Variants in MARCHF1 observed in about 807,000 individuals in gnomAD.
The protein encoded by MARCHF1 is membrane associated ring-CH-type finger 1, also known as E3 ubiquitin-protein ligase MARCHF1.
In MARCHF1, 40 loss-of-function variants were observed where a neutral mutation model predicts 54.2. The ratio of observed to expected loss-of-function variants is 0.74; its 90% CI spans 0.57 to 0.96. The LOEUF (loss-of-function observed/expected upper bound fraction) is 0.96. Ranked by LOEUF, MARCHF1 falls within the 40% of genes least tolerant of loss-of-function variation. The probability of loss-of-function intolerance (pLI) is 0.00; values close to 1 mark genes in which losing one functional copy is unlikely to be tolerated. For synonymous variants in MARCHF1, 236 were observed against 236.3 expected (o/e 1.00, Z 0.01); for missense variants, 586 against 656.5 (o/e 0.89, Z 1.17).
At chr4:163,688,021 T>C (rs766535362) in intron 5 of MARCHF1, among the ~76,000 whole-genome samples, 3 of 152,190 alleles carry the variant, frequency 2.0e-5, no homozygotes, top group Non-Finnish European at 2.9e-5. Flanking sequence ...TTATTTGGCC[T>C]AGTCAATCCA....
intron 3 of MARCHF1, among the ~76,000 whole-genome samples, chr4:163,855,129 T>C (rs951179151): frequency 6.6e-6 from 1 of 152,124 alleles, no homozygotes; most frequent in Non-Finnish European, 1.5e-5. Flanking sequence ...ATAAGAACGG[T>C]TGCACTAACA....
At chr4:164,240,616 GAA>G (rs1732712656) in intron 1 of MARCHF1, among the ~76,000 whole-genome samples, 10 of 152,000 alleles carry the variant, frequency 6.6e-5, no homozygotes, top group Non-Finnish European at 1.5e-5. Context: ...CCCACCAACT[GAA>G]ACTGCCTTTG....
chr4:163,841,615 G>A (rs1306999008), intron 4 of MARCHF1, among the ~76,000 whole-genome samples: 1 of 151,986 alleles, frequency 6.6e-6, no homozygotes, highest in Non-Finnish European at 1.5e-5. Flanking sequence ...AATAACATCA[G>A]CAATTTTATG....
chr4:163,963,846 T>C (rs4056339), intron 3 of MARCHF1, among the ~76,000 whole-genome samples: 83,032 of 151,594 alleles, frequency 0.55, 23,791 homozygotes, highest in Middle Eastern at 0.68. Flanking sequence ...AGAAAGTGAG[T>C]GAAGAAACAG....
chr4:163,531,717 G>GCGA (rs1188386881), intron 9 of MARCHF1, among the ~76,000 whole-genome samples: 1 of 151,500 alleles, frequency 6.6e-6, no homozygotes, highest in Non-Finnish European at 1.5e-5. Context: ...TTTTAAATAG[G>GCGA]TGATTATGAC....
intron 2 of MARCHF1, among the ~76,000 whole-genome samples, chr4:164,110,855 A>G (rs1326949864): frequency 6.6e-6 from 1 of 151,822 alleles, no homozygotes; most frequent in Non-Finnish European, 1.5e-5. Flanking sequence ...AAGGAGGGGA[A>G]AATCCATTTG....
chr4:164,197,804 A>G (rs758284198), intron 1 of MARCHF1: 1 of 1,585,596 alleles, frequency 6.3e-7, no homozygotes, highest in Non-Finnish European at 8.6e-7. Context: ...GACTTTGAAG[A>G]CTCAACCAGC....
intron 7 of MARCHF1, among the ~76,000 whole-genome samples, chr4:163,595,352 T>TAA (rs199578063): frequency 3.5e-5 from 4 of 115,042 alleles, no homozygotes; most frequent in South Asian, 2.6e-4. Context: ...TCACTAAAAA[T>TAA]AAAATAAAAA....
chr4:164,258,420 A>AATAATAATAATAAT (rs1733357544), intron 1 of MARCHF1, among the ~76,000 whole-genome samples: 2 of 102,506 alleles, frequency 2.0e-5, no homozygotes, highest in Admixed American at 1.1e-4. Flanking sequence ...ATAATAATAA[A>AATAATAATAATAAT]GGACAAAACA....
At chr4:164,010,218 C>T (rs902756828) in intron 2 of MARCHF1, among the ~76,000 whole-genome samples, 2 of 151,448 alleles carry the variant, frequency 1.3e-5, no homozygotes, top group Non-Finnish European at 2.9e-5. Flanking sequence ...AGGAGCATGC[C>T]ACCACGCTCA....
intron 1 of MARCHF1, among the ~76,000 whole-genome samples, chr4:164,244,842 A>C (rs1408536791): frequency 6.6e-6 from 1 of 152,122 alleles, no homozygotes; most frequent in East Asian, 1.9e-4. Flanking sequence ...CTACGCAAAT[A>C]AACTAGAAAA....
At chr4:163,946,125 T>C (rs1752021003) in intron 3 of MARCHF1, among the ~76,000 whole-genome samples, 1 of 152,176 alleles carries the variant, frequency 6.6e-6, no homozygotes, top group Non-Finnish European at 1.5e-5. Flanking sequence ...AATAAATACA[T>C]ATCTGGCATC....
chr4:164,015,783 CT>C (rs1753526203), intron 2 of MARCHF1, among the ~76,000 whole-genome samples: 1 of 151,714 alleles, frequency 6.6e-6, no homozygotes, highest in African/African-American at 2.4e-5. Flanking sequence ...GTTAAAATGG[CT>C]TATATCCGAA....
At chr4:164,230,499 A>G (rs947547807) in intron 1 of MARCHF1, among the ~76,000 whole-genome samples, 1 of 133,922 alleles carries the variant, frequency 7.5e-6, no homozygotes, top group African/African-American at 2.7e-5. Flanking sequence ...AGTAATTGAG[A>G]TAACCATCAC....
At chr4:164,119,005 T>C (rs1479437588) in intron 1 of MARCHF1, among the ~76,000 whole-genome samples, 1 of 148,336 alleles carries the variant, frequency 6.7e-6, no homozygotes. Flanking sequence ...TTTATTAAAA[T>C]ATATAAGGAT....
chr4:164,017,057 A>G (rs1035163378), intron 2 of MARCHF1, among the ~76,000 whole-genome samples: 1 of 152,118 alleles, frequency 6.6e-6, no homozygotes, highest in Non-Finnish European at 1.5e-5. Context: ...ATAATACATC[A>G]TGATAAATGG....
chr4:164,006,653 A>C (rs968984109), intron 2 of MARCHF1, among the ~76,000 whole-genome samples: 5 of 152,108 alleles, frequency 3.3e-5, no homozygotes, highest in African/African-American at 4.8e-5. Flanking sequence ...TATTCAACCC[A>C]AAAAGACTAC....
chr4:164,111,170 C>G (rs1755826432), intron 2 of MARCHF1, among the ~76,000 whole-genome samples: 1 of 151,720 alleles, frequency 6.6e-6, no homozygotes, highest in South Asian at 2.1e-4. Flanking sequence ...GATAAAATTA[C>G]TCTGTATCCT....
intron 8 of MARCHF1, among the ~76,000 whole-genome samples, chr4:163,569,605 CG>C (rs540851921): frequency 5.3e-4 from 81 of 152,066 alleles, no homozygotes; most frequent in African/African-American, 1.7e-3. Flanking sequence ...TCCCCGTTTA[CG>C]CAGGAGGAAA....
Sources: gnomAD v4.1 joint callset for allele counts (sites outside exome capture counted in the v4.1 genomes callset) on GRCh38, gnomAD v4.1.1 for gene constraint, MANE v1.5 for transcripts, NCBI Gene and HGNC (gene_info 2026-07-23, HGNC 2026-07-21) for gene names.